Variants in KCND2 observed in about 807,000 individuals in gnomAD.
KCND2 encodes A-type voltage-gated potassium channel KCND2.
A neutral mutation model predicts 54.4 loss-of-function variants in KCND2; 16 were observed. That is an observed-to-expected ratio of 0.29 (90% CI 0.20 to 0.45). The LOEUF (loss-of-function observed/expected upper bound fraction) is 0.45. Among genes scored for constraint, KCND2 ranks in the 20% least tolerant of loss-of-function variants. The pLI is 1.00. For synonymous variants in KCND2, 317 were observed against 310.7 expected, an observed-to-expected ratio of 1.02 and a Z score of -0.21; for missense variants, 486 against 824.2, an observed-to-expected ratio of 0.59 and a Z score of 5.02.
intron 1 of KCND2, among the ~76,000 whole-genome samples, chr7:120,692,483 A>T (rs1442658584): frequency 1.3e-5 from 2 of 152,172 alleles, no homozygotes; most frequent in South Asian, 2.1e-4. Flanking sequence ...TTGATGTAAG[A>T]TAAACACACC....
intron 1 of KCND2, among the ~76,000 whole-genome samples, chr7:120,304,245 A>G (rs549293814): frequency 6.6e-6 from 1 of 152,310 alleles, no homozygotes; most frequent in Non-Finnish European, 1.5e-5. Context: ...TTGCAAACAT[A>G]TACCTAATAA....
chr7:120,563,489 A>T (rs1234389775), intron 1 of KCND2, among the ~76,000 whole-genome samples: 4 of 152,182 alleles, frequency 2.6e-5, no homozygotes, highest in Non-Finnish European at 5.9e-5. Context: ...GAACAAATCA[A>T]ACTGCTTTCA....
intron 1 of KCND2, among the ~76,000 whole-genome samples, chr7:120,595,999 G>A (rs933143524): frequency 2.0e-5 from 3 of 152,020 alleles, no homozygotes; most frequent in African/African-American, 7.2e-5. Flanking sequence ...CATTAATGTT[G>A]ACCTTTTATT....
chr7:120,439,742 A>C (rs1257228077), intron 1 of KCND2, among the ~76,000 whole-genome samples: 1 of 152,026 alleles, frequency 6.6e-6, no homozygotes, highest in Non-Finnish European at 1.5e-5. Context: ...CCACATATGA[A>C]TGAGAATATG....
chr7:120,463,949 A>AGATC (rs1802327207), intron 1 of KCND2: 1 of 438,164 alleles, frequency 2.3e-6, no homozygotes, highest in East Asian at 1.7e-4. Flanking sequence ...ATAGATCGAC[A>AGATC]GATGGATAGA....
intron 1 of KCND2, among the ~76,000 whole-genome samples, chr7:120,372,212 ACT>A (rs1448288979): frequency 6.6e-6 from 1 of 151,828 alleles, no homozygotes; most frequent in East Asian, 1.9e-4. Flanking sequence ...AGTGTAATTT[ACT>A]CTCTTTCTTC....
At chr7:120,381,579 A>T (rs1176190789) in intron 1 of KCND2, among the ~76,000 whole-genome samples, 2 of 152,122 alleles carry the variant, frequency 1.3e-5, no homozygotes, top group Non-Finnish European at 2.9e-5. Context: ...ATGGACAAAT[A>T]AAAATAAATT....
At chr7:120,562,306 A>G (rs1228835495) in intron 1 of KCND2, among the ~76,000 whole-genome samples, 3 of 152,192 alleles carry the variant, frequency 2.0e-5, no homozygotes, top group Non-Finnish European at 4.4e-5. Flanking sequence ...AAATAATAAA[A>G]CATGAGAACG....
At chr7:120,712,194 C>A (rs1792547695) in intron 1 of KCND2, among the ~76,000 whole-genome samples, 1 of 96,894 alleles carries the variant, frequency 1.0e-5, no homozygotes, top group African/African-American at 3.8e-5. Context: ...CTATTTAATT[C>A]ATAAAACTTC....
chr7:120,728,577 A>G (rs1220363086), intron 1 of KCND2, among the ~76,000 whole-genome samples: 1 of 152,010 alleles, frequency 6.6e-6, no homozygotes, highest in African/African-American at 2.4e-5. Flanking sequence ...GCCGTGAACC[A>G]TTACACCCAG....
At chr7:120,662,549 A>G (rs992744465) in intron 1 of KCND2, among the ~76,000 whole-genome samples, 1 of 152,232 alleles carries the variant, frequency 6.6e-6, no homozygotes, top group Non-Finnish European at 1.5e-5. Context: ...TACAAAGAAC[A>G]TAAAATGTGT....
chr7:120,398,908 A>G (rs1218822231), intron 1 of KCND2, among the ~76,000 whole-genome samples: 2 of 152,064 alleles, frequency 1.3e-5, no homozygotes, highest in African/African-American at 4.8e-5. Context: ...CATGTCTTAG[A>G]CGTGGTGAAA....
At chr7:120,286,698 C>T (rs1388027315) in intron 1 of KCND2, among the ~76,000 whole-genome samples, 1 of 151,892 alleles carries the variant, frequency 6.6e-6, no homozygotes, top group East Asian at 1.9e-4. Flanking sequence ...CCATACAAAA[C>T]ATATTTTTAG....
intron 1 of KCND2, among the ~76,000 whole-genome samples, chr7:120,398,953 C>G (rs148206334): frequency 6.6e-6 from 1 of 151,918 alleles, no homozygotes; most frequent in African/African-American, 2.4e-5. Context: ...CAGCTTGTTA[C>G]GCTGCCCAGT....
intron 1 of KCND2, among the ~76,000 whole-genome samples, chr7:120,717,031 T>C (rs1206973526): frequency 6.6e-6 from 1 of 152,156 alleles, no homozygotes; most frequent in African/African-American, 2.4e-5. Context: ...TATAACTATA[T>C]GTTGTAGCAA....
At chr7:120,401,445 C>A (rs1277670955) in intron 1 of KCND2, among the ~76,000 whole-genome samples, 1 of 152,040 alleles carries the variant, frequency 6.6e-6, no homozygotes, top group Non-Finnish European at 1.5e-5. Context: ...CACCATAAAA[C>A]CTTTTAAAAA....
chr7:120,309,401 A>T (rs940740030), intron 1 of KCND2, among the ~76,000 whole-genome samples: 1 of 147,556 alleles, frequency 6.8e-6, no homozygotes, highest in African/African-American at 2.5e-5. Flanking sequence ...AAAGAAAGCA[A>T]TGTGCATGAG....
Position 120,505,459 on chromosome 7 carries a change from T to C in KCND2, c.1116-227444T>C, listed in dbSNP as rs2116322980. 1.3e-5 allele frequency among the ~76,000 whole-genome samples: 2 copies of C among 152,006 alleles called. 1 individual carries two copies. The highest frequency in any genetic ancestry group is 4.1e-4 in the South Asian group (2 of 4,826). On this transcript the variant is annotated intron_variant, in intron 1 of 5. Coordinates refer to ENST00000331113, the MANE Select transcript of KCND2 (RefSeq NM_012281.3). ...TTAGTGTTATGCCAAAGCTATATTC[T>C]TTTATAGTAAAATATAAGGAAATAT...
intron 1 of KCND2, among the ~76,000 whole-genome samples, chr7:120,640,708 T>G (rs1793360852): frequency 6.6e-6 from 1 of 152,196 alleles, no homozygotes; most frequent in Non-Finnish European, 1.5e-5. Context: ...CTCAATTCAG[T>G]GATGTAATAA....
Sources: allele counts gnomAD v4.1 joint callset (sites outside exome capture counted in the v4.1 genomes callset), GRCh38; gene constraint gnomAD v4.1.1; transcripts MANE v1.5; gene names NCBI Gene and HGNC (gene_info 2026-07-23, HGNC 2026-07-21).